The following CSMD1 variants were observed in gnomAD, a reference collection of about 807,000 sequenced individuals.
The protein encoded by CSMD1 is CUB and sushi domain-containing protein 1.
In CSMD1, 213 loss-of-function variants were observed where a neutral mutation model predicts 417.5. The ratio of observed to expected loss-of-function variants is 0.51; its 90% CI spans 0.46 to 0.57. The LOEUF (loss-of-function observed/expected upper bound fraction) is 0.57. Among genes scored for constraint, CSMD1 ranks in the 20% least tolerant of loss-of-function variants. The probability of loss-of-function intolerance (pLI) is 0.00; values close to 1 mark genes in which losing one functional copy is unlikely to be tolerated. For synonymous variants in CSMD1, 2,862 were observed against 1,736.8 expected, an observed-to-expected ratio of 1.65 and a Z score of -16.11; for missense variants, 6,923 against 4,529.7, an observed-to-expected ratio of 1.53 and a Z score of -15.17.
chr8:3,532,128 T>C (rs1798007535), intron 10 of CSMD1, among the ~76,000 whole-genome samples: 1 of 152,184 alleles, frequency 6.6e-6, no homozygotes, highest in South Asian at 2.1e-4. Context: ...TTTCTGGGAC[T>C]CCTCTCTGGA....
At chr8:3,601,500 A>G (rs1203676947) in intron 8 of CSMD1, among the ~76,000 whole-genome samples, 1 of 152,206 alleles carries the variant, frequency 6.6e-6, no homozygotes, top group Non-Finnish European at 1.5e-5. Flanking sequence ...AGGCAGGCCA[A>G]TGGTTACCAA....
intron 3 of CSMD1, among the ~76,000 whole-genome samples, chr8:4,171,701 T>A (rs1412961494): frequency 6.7e-6 from 1 of 149,804 alleles, no homozygotes. Context: ...TTAATTTGCT[T>A]ATTCTGATAT....
At chr8:4,837,724 T>A (rs1255460971) in intron 1 of CSMD1, among the ~76,000 whole-genome samples, 1 of 152,114 alleles carries the variant, frequency 6.6e-6, no homozygotes, top group Non-Finnish European at 1.5e-5. Flanking sequence ...TAGTCAGTAA[T>A]AACCGTACAT....
rs540101164 is a variant in CSMD1 at position 4,879,584 on chromosome 8, G to A, written c.85+114748C>T. Among the ~76,000 whole-genome samples the A allele has an allele frequency of 1.7e-3, 258 of 152,030 alleles. 3 individuals are homozygous for A. The highest frequency in any genetic ancestry group is 6.8e-3 in the Middle Eastern group (2 of 294). On this transcript the variant is annotated intron_variant, in intron 1 of 69. Coordinates refer to ENST00000635120, the MANE Select transcript of CSMD1 (RefSeq NM_033225.6). ...ATTTCTAGGGAGATTTTTATAAAAC[G>A]AAGAAGAAAATAAGGAGACTGTAGT... is the stretch of plus-strand genomic sequence containing the variant.
At chr8:3,683,131 G>A (rs549103268) in intron 7 of CSMD1, among the ~76,000 whole-genome samples, 6 of 152,026 alleles carry the variant, frequency 3.9e-5, no homozygotes, top group Non-Finnish European at 5.9e-5. Flanking sequence ...CACCAACATG[G>A]CACATGTATA....
chr8:4,374,852 C>T (rs914054504), intron 3 of CSMD1, among the ~76,000 whole-genome samples: 7 of 150,580 alleles, frequency 4.6e-5, no homozygotes, highest in Non-Finnish European at 7.4e-5. Context: ...ATTTAAAGAA[C>T]CTAGGGGCTA....
At chr8:4,093,654 A>G (rs12681834) in intron 3 of CSMD1, among the ~76,000 whole-genome samples, 20,307 of 152,154 alleles carry the variant, frequency 0.13, 1,639 homozygotes, top group South Asian at 0.34. Context: ...GAGAAAGTGA[A>G]TTTTAAAAAG....
intron 3 of CSMD1, among the ~76,000 whole-genome samples, chr8:4,357,275 T>TA (rs1471555426): frequency 1.3e-5 from 2 of 152,334 alleles, no homozygotes; most frequent in Admixed American, 6.5e-5. Context: ...AGTAACCTTA[T>TA]AGATCTCATC....
chr8:3,143,475 G>A (rs1228777050), intron 40 of CSMD1, among the ~76,000 whole-genome samples: 1 of 152,152 alleles, frequency 6.6e-6, no homozygotes, highest in Non-Finnish European at 1.5e-5. Flanking sequence ...ATAAACTATG[G>A]CTGATAATTT....
intron 2 of CSMD1, among the ~76,000 whole-genome samples, chr8:4,616,539 T>C (rs532061498): frequency 6.6e-6 from 1 of 152,330 alleles, no homozygotes; most frequent in African/African-American, 2.4e-5. Flanking sequence ...CATTCTCTCA[T>C]GCCAGCAATA....
chr8:4,551,771 C>G (rs1314515673), intron 2 of CSMD1, among the ~76,000 whole-genome samples: 1 of 152,078 alleles, frequency 6.6e-6, no homozygotes, highest in Non-Finnish European at 1.5e-5. Context: ...TGCAACCTCT[C>G]AGGCTGAAAT....
chr8:2,992,912 T>G (rs1446837980), intron 54 of CSMD1, among the ~76,000 whole-genome samples: 1 of 151,642 alleles, frequency 6.6e-6, no homozygotes, highest in African/African-American at 2.4e-5. Flanking sequence ...TGGCTAATTT[T>G]TGTAGAGACT....
At chr8:4,155,957 A>C (rs1165855609) in intron 3 of CSMD1, among the ~76,000 whole-genome samples, 1 of 152,188 alleles carries the variant, frequency 6.6e-6, no homozygotes, top group Non-Finnish European at 1.5e-5. Flanking sequence ...TGCACATTTT[A>C]ATCATCAAGT....
intron 4 of CSMD1, among the ~76,000 whole-genome samples, chr8:4,014,062 AT>A (rs1238577809): frequency 6.6e-6 from 1 of 152,246 alleles, no homozygotes; most frequent in Non-Finnish European, 1.5e-5. Context: ...ATCAAAGGCA[AT>A]AAAAACAACT....
At chr8:3,663,893 T>G (rs953369014) in intron 7 of CSMD1, among the ~76,000 whole-genome samples, 2 of 152,210 alleles carry the variant, frequency 1.3e-5, no homozygotes, top group African/African-American at 4.8e-5. Flanking sequence ...CAACCTTGGA[T>G]AAATAAACTT....
chr8:3,206,612 G>GTA (rs1484132791), intron 30 of CSMD1, among the ~76,000 whole-genome samples: 1 of 135,642 alleles, frequency 7.4e-6, no homozygotes. Context: ...GTATGTGTGT[G>GTA]TATGTGTGTG....
intron 39 of CSMD1, 147 bp from the exon 40 acceptor site, chr8:3,151,660 T>C (rs572256004): frequency 6.9e-6 from 4 of 581,950 alleles, no homozygotes; most frequent in Non-Finnish European, 1.2e-5. Context: ...TACAATGCTG[T>C]GTGCCTTAGT....
intron 41 of CSMD1, among the ~76,000 whole-genome samples, chr8:3,133,121 C>T (rs1009264893): frequency 1.3e-5 from 2 of 152,230 alleles, no homozygotes; most frequent in African/African-American, 4.8e-5. Flanking sequence ...ATGTCACCCA[C>T]TGCAGCGTGG....
chr8:4,391,455 T>A (rs1204058982), intron 3 of CSMD1, among the ~76,000 whole-genome samples: 1 of 152,072 alleles, frequency 6.6e-6, no homozygotes, highest in Non-Finnish European at 1.5e-5. Flanking sequence ...CAGCTAATTA[T>A]CAGAGTACAT....
Sources: gnomAD v4.1 joint callset for allele counts (sites outside exome capture counted in the v4.1 genomes callset) on GRCh38, gnomAD v4.1.1 for gene constraint, MANE v1.5 for transcripts, NCBI Gene and HGNC (gene_info 2026-07-23, HGNC 2026-07-21) for gene names.